WWOX: variants seen among roughly 807,000 people sequenced by gnomAD.
WWOX encodes WW domain-containing oxidoreductase.
A neutral mutation model predicts 46.2 loss-of-function variants in WWOX; 69 were observed. That is an observed-to-expected ratio of 1.49 (90% CI 1.23 to 1.82). The LOEUF is 1.82. Among genes scored for constraint, WWOX ranks in the 40% most tolerant of loss-of-function variants. WWOX has a pLI of 0.00. For synonymous variants in WWOX, 359 were observed against 202.6 expected (o/e 1.77, Z -6.56); for missense variants, 919 against 542.6 (o/e 1.69, Z -6.89).
chr16:78,242,307 C>G (rs1298891892), intron 5 of WWOX, among the ~76,000 whole-genome samples: 1 of 152,162 alleles, frequency 6.6e-6, no homozygotes, highest in Non-Finnish European at 1.5e-5. Flanking sequence ...TTAACTTAAG[C>G]AATTTTAAAG....
chr16:78,804,427 A>AG (rs1216768653), intron 8 of WWOX, among the ~76,000 whole-genome samples: 7 of 152,198 alleles, frequency 4.6e-5, no homozygotes, highest in African/African-American at 1.4e-4. Context: ...TAAAAAAAAA[A>AG]AAAAGAAAGA....
At chr16:78,294,322 T>G (rs1316589132) in intron 5 of WWOX, among the ~76,000 whole-genome samples, 1 of 152,166 alleles carries the variant, frequency 6.6e-6, no homozygotes, top group Non-Finnish European at 1.5e-5. Context: ...TGCATATTTC[T>G]TGAGTTGAAG....
chr16:78,379,632 T>C (rs2081910468), intron 5 of WWOX, among the ~76,000 whole-genome samples: 2 of 152,154 alleles, frequency 1.3e-5, no homozygotes, highest in African/African-American at 2.4e-5. Context: ...TGGGAGTATT[T>C]TGAAGCATGC....
At chr16:78,829,551 A>G (rs981267130) in intron 8 of WWOX, among the ~76,000 whole-genome samples, 2 of 152,104 alleles carry the variant, frequency 1.3e-5, no homozygotes, top group African/African-American at 4.8e-5. Context: ...GTTGACACCT[A>G]CAATTTTTTT....
At chr16:78,778,707 G>C (rs1279006453) in intron 8 of WWOX, among the ~76,000 whole-genome samples, 1 of 152,198 alleles carries the variant, frequency 6.6e-6, no homozygotes, top group Non-Finnish European at 1.5e-5. Context: ...TTCAAGGGAA[G>C]GTTTGCAGAT....
At chr16:78,285,315 T>C (rs2079749355) in intron 5 of WWOX, among the ~76,000 whole-genome samples, 1 of 152,094 alleles carries the variant, frequency 6.6e-6, no homozygotes, top group South Asian at 2.1e-4. Context: ...GGCACCCACC[T>C]GTAGTCCTTT....
At position 78,571,222 on chromosome 16, in the gene WWOX, A is replaced by C. The variant is rs542236781; in HGVS notation, c.1056+138470A>C. Among the ~76,000 whole-genome samples the C allele has an allele frequency of 2.6e-5, 4 of 152,270 alleles. No individual in the cohort carries two copies. The South Asian group carries it at 8.3e-4, about 32-fold the overall frequency. On this transcript the variant is annotated intron_variant, in intron 8 of 8. Transcript: ENST00000566780. ...CAGACAGCCTTTGCTTTATGTATCA[A>C]TTTTTGTAAATGTGTTGCTTAAATA...
intron 8 of WWOX, among the ~76,000 whole-genome samples, chr16:78,929,312 C>T (rs965591938): frequency 2.6e-5 from 4 of 151,566 alleles, no homozygotes; most frequent in African/African-American, 9.7e-5. Context: ...CCTCAAGTGT[C>T]CAATAAAAAG....
intron 8 of WWOX, among the ~76,000 whole-genome samples, chr16:78,953,848 T>C (rs762702439): frequency 2.6e-5 from 4 of 152,214 alleles, no homozygotes; most frequent in Non-Finnish European, 1.5e-5. Context: ...CACTCTCCTG[T>C]AGCATTTTTG....
At chr16:78,916,175 G>A (rs190797592) in intron 8 of WWOX, among the ~76,000 whole-genome samples, 11 of 152,224 alleles carry the variant, frequency 7.2e-5, no homozygotes, top group Admixed American at 3.3e-4. Flanking sequence ...TCCTAAACAC[G>A]CTGCACAAGG....
At chr16:78,850,347 T>A (rs1353502694) in intron 8 of WWOX, among the ~76,000 whole-genome samples, 5 of 152,178 alleles carry the variant, frequency 3.3e-5, no homozygotes. Context: ...TGATACTACA[T>A]CCCGAGTGTT....
At chr16:78,619,067 G>C (rs1029172386) in intron 8 of WWOX, among the ~76,000 whole-genome samples, 1 of 139,088 alleles carries the variant, frequency 7.2e-6, no homozygotes, top group Non-Finnish European at 1.5e-5. Context: ...AGGCTGAGGT[G>C]GGAGGATCAC....
At chr16:78,335,695 C>G (rs2080873626) in intron 5 of WWOX, among the ~76,000 whole-genome samples, 1 of 152,126 alleles carries the variant, frequency 6.6e-6, no homozygotes. Context: ...ATGGAATTCA[C>G]CCAATCCGAA....
rs561501249 is a variant in WWOX at position 78,884,822 on chromosome 16, AG to A, written c.1057-326785del. Reference sequence around the variant, plus strand: ...GCATGTATATTTTACTCTAACAAAAAGTTCATGGACAAATACAAAATCATAT... The same window carrying A: ...GCATGTATATTTTACTCTAACAAAAATTCATGGACAAATACAAAATCATAT... On this transcript the variant is annotated intron_variant, in intron 8 of 8. Transcript: ENST00000566780. Among the ~76,000 whole-genome samples the A allele has an allele frequency of 2.0e-5, 3 of 152,356 alleles. No homozygotes were observed. In the South Asian group the frequency reaches 6.2e-4, roughly 32 times the overall value.
Position 78,527,991 on chromosome 16 carries a change from C to CTTTTT in WWOX, c.1056+95260_1056+95264dup, listed in dbSNP as rs71140808. 2.7e-3 allele frequency among the ~76,000 whole-genome samples: 93 copies of CTTTTT among 34,882 alleles called. 13 individuals are homozygous for CTTTTT. The highest frequency in any genetic ancestry group is 0.018 in the East Asian group (18 of 1,022). 22.9% of individuals were successfully genotyped at this position (34,882 alleles called of 152,430 possible). The stretch of plus-strand genomic sequence containing the variant: ...CTATGTCACAGGACTGGTACATGTC[C>CTTTTT]TTTTTTTTTTTTTTTTTTTTTTTTT... On this transcript the variant is annotated intron_variant, in intron 8 of 8. Transcript: ENST00000566780.
At chr16:78,867,929 C>T (rs1007794302) in intron 8 of WWOX, among the ~76,000 whole-genome samples, 4 of 152,158 alleles carry the variant, frequency 2.6e-5, no homozygotes, top group African/African-American at 9.7e-5. Flanking sequence ...CTGTCATTCA[C>T]TGCTGGTGGG....
intron 5 of WWOX, among the ~76,000 whole-genome samples, chr16:78,280,306 A>T (rs1003935979): frequency 2.6e-5 from 4 of 152,200 alleles, no homozygotes; most frequent in African/African-American, 9.7e-5. Flanking sequence ...GTAATGATAG[A>T]TATTATATAT....
At chr16:78,744,541 C>G (rs532275392) in intron 8 of WWOX, among the ~76,000 whole-genome samples, 1 of 139,318 alleles carries the variant, frequency 7.2e-6, no homozygotes, top group East Asian at 2.2e-4. Context: ...AAGCAATTTT[C>G]TTGCCTCAGC....
intron 5 of WWOX, among the ~76,000 whole-genome samples, chr16:78,334,081 A>C (rs981677298): frequency 6.6e-6 from 1 of 152,178 alleles, no homozygotes; most frequent in African/African-American, 2.4e-5. Context: ...ACATCGCATA[A>C]AGATGCAGAT....
Sources: allele counts gnomAD v4.1 joint callset (sites outside exome capture counted in the v4.1 genomes callset), GRCh38; gene constraint gnomAD v4.1.1; transcripts MANE v1.5; gene names NCBI Gene and HGNC (gene_info 2026-07-23, HGNC 2026-07-21).